PATL2: variants seen among roughly 807,000 people sequenced by gnomAD.
PATL2 encodes the protein PAT1 homolog 2.
PATL2 carries 73 observed loss-of-function variants against 77.0 expected under a neutral mutation model. That is an observed-to-expected ratio of 0.95 (90% CI 0.78 to 1.15). The LOEUF (loss-of-function observed/expected upper bound fraction) is 1.15. PATL2 is among the 50% of genes most tolerant of loss of function. The pLI, the probability that PATL2 is intolerant of heterozygous loss-of-function variation, is 0.00. For synonymous variants in PATL2, 265 were observed against 257.1 expected, an observed-to-expected ratio of 1.03 and a Z score of -0.29; for missense variants, 618 against 655.4, an observed-to-expected ratio of 0.94 and a Z score of 0.62.
In PATL2 at chr15:44,675,594, T is replaced by TTCCTCC. The variant is rs1406098955; in HGVS notation, c.108_113dup (p.Glu40_Glu41dup). Reference sequence around the variant, plus strand: ...CCAGATCCTCCTCGTCCTCCTCCTCTTCCTCCTCCTCCCCTTCATTCTCTT... The same window carrying TTCCTCC: ...CCAGATCCTCCTCGTCCTCCTCCTCTTCCTCCTCCTCCTCCTCCCCTTCATTCTCTT... On this transcript the variant is annotated inframe_insertion, in exon 5 of 18. Coordinates refer to ENST00000682850, the MANE Select transcript of PATL2 (RefSeq NM_001387263.1). 4 of 1,551,578 alleles carry TTCCTCC rather than the reference T, an allele frequency of 2.6e-6. No homozygotes were observed. The highest frequency in any genetic ancestry group is 2.4e-5 in the South Asian group (2 of 84,042).
At chr15:44,701,436 CTG>C (rs1427390058) in intron 3 of PATL2, among the ~76,000 whole-genome samples, 4 of 151,866 alleles carry the variant, frequency 2.6e-5, no homozygotes, top group Non-Finnish European at 5.9e-5. Flanking sequence ...TGGCTCATGC[CTG>C]TAATCCCAGC....
chr15:44,671,855 G>T (rs1469490719), intron 9 of PATL2, among the ~76,000 whole-genome samples, 160 bp downstream of exon 9: 2 of 152,136 alleles, frequency 1.3e-5, no homozygotes, highest in African/African-American at 2.4e-5. Flanking sequence ...ATGAGTTTGG[G>T]ATGTCAATTT....
chr15:44,676,932 G>T, intron 3 of PATL2: 1 of 1,009,200 alleles, frequency 9.9e-7, no homozygotes, highest in Non-Finnish European at 1.2e-6. Context: ...CCTGTTTGCC[G>T]CTCCTGGCTT....
chr15:44,667,273 T>C, intron 15 of PATL2, 70 bp from the exon 16 acceptor site: 1 of 1,107,810 alleles, frequency 9.0e-7, no homozygotes, highest in Non-Finnish European at 1.3e-6. Context: ...TTCCTGACTC[T>C]TATCTTCCCA....
intron 17 of PATL2, 27 bp downstream of exon 17, chr15:44,666,364 CT>C (rs1486335200): frequency 1.3e-6 from 2 of 1,551,118 alleles, no homozygotes; most frequent in East Asian, 4.9e-5. Flanking sequence ...GAACAAGGGG[CT>C]TTGACCTTGT....
At chr15:44,666,660 T>A (rs2141157608) in intron 16 of PATL2, 119 bp from the exon 17 acceptor site, 2 of 1,052,312 alleles carry the variant, frequency 1.9e-6, no homozygotes, top group Admixed American at 3.1e-5. Flanking sequence ...CAGGTAGCAA[T>A]TCAGAGGTAA....
At chr15:44,684,533 G>A (rs180969885) in intron 3 of PATL2, among the ~76,000 whole-genome samples, 4 of 151,302 alleles carry the variant, frequency 2.6e-5, no homozygotes, top group Non-Finnish European at 4.4e-5. Flanking sequence ...AAAGCAAGAC[G>A]ACAAGATTAG....
At position 44,707,843 on chromosome 15, in the gene PATL2, G is replaced by A. The variant is rs548458954; in HGVS notation, c.-76+2253C>T. Among the ~76,000 whole-genome samples the A allele has an allele frequency of 5.9e-4, 90 of 152,320 alleles. 1 individual carries two copies. Among genetic ancestry groups the A allele is most frequent in the African/African-American group, 2.0e-3 (82 of 41,580 alleles). Reference sequence around the variant, plus strand: ...CCTTGTGGCCTAGACTGCCTTTCAAGTTTATGTAGAACCTCAGAGCACTTC... The same window carrying A: ...CCTTGTGGCCTAGACTGCCTTTCAAATTTATGTAGAACCTCAGAGCACTTC... On this transcript the variant is annotated intron_variant, in intron 3 of 17. Transcript: ENST00000682850.
intron 3 of PATL2, among the ~76,000 whole-genome samples, chr15:44,702,359 TTA>T (rs1242718642): frequency 6.6e-6 from 1 of 152,102 alleles, no homozygotes; most frequent in Non-Finnish European, 1.5e-5. Context: ...CTGATTTTAT[TTA>T]TATGAGTCTT....
intron 3 of PATL2, among the ~76,000 whole-genome samples, chr15:44,689,060 C>A (rs1235768098): frequency 6.6e-6 from 1 of 152,132 alleles, no homozygotes; most frequent in Non-Finnish European, 1.5e-5. Flanking sequence ...AGGATATGAA[C>A]AAACACTTCT....
chr15:44,697,172 C>T (rs933037270), intron 3 of PATL2, among the ~76,000 whole-genome samples: 2 of 151,788 alleles, frequency 1.3e-5, no homozygotes, highest in Non-Finnish European at 2.9e-5. Context: ...CCTCCTCCTC[C>T]TTCTCCTCCT....
chr15:44,702,121 A>G (rs1266959296), intron 3 of PATL2, among the ~76,000 whole-genome samples: 4 of 152,154 alleles, frequency 2.6e-5, no homozygotes, highest in Admixed American at 2.6e-4. Flanking sequence ...TATGTTTAGT[A>G]ACATTTAGCA....
intron 3 of PATL2, among the ~76,000 whole-genome samples, chr15:44,696,598 A>T (rs1488964906): frequency 6.6e-6 from 1 of 152,156 alleles, no homozygotes; most frequent in African/African-American, 2.4e-5. Context: ...GGATACTTTA[A>T]TTCCCAACTT....
chr15:44,701,433 T>A (rs1431893285), intron 3 of PATL2, among the ~76,000 whole-genome samples: 1 of 151,910 alleles, frequency 6.6e-6, no homozygotes. Flanking sequence ...TGGTGGCTCA[T>A]GCCTGTAATC....
intron 17 of PATL2, 76 bp downstream of exon 17, chr15:44,666,316 G>T: frequency 6.7e-7 from 1 of 1,500,734 alleles, no homozygotes; most frequent in South Asian, 1.2e-5. Flanking sequence ...TTAGAAGAAG[G>T]AAGTAGTGAA....
At position 44,672,166 on chromosome 15, in the gene PATL2, A is replaced by T. The variant is rs1239924964; in HGVS notation, c.516-10T>A. 1.3e-6 allele frequency: 2 copies of T among 1,551,752 alleles called. No homozygotes were observed. Among genetic ancestry groups the T allele is most frequent in the Non-Finnish European group, 1.7e-6 (2 of 1,146,998 alleles). On this transcript the variant is annotated splice_polypyrimidine_tract_variant and intron_variant, in intron 8 of 17. Coordinates refer to ENST00000682850, the MANE Select transcript of PATL2 (RefSeq NM_001387263.1). The stretch of plus-strand genomic sequence containing the variant: ...CTTCTTGGCTGGGGGACTTTAAGCC[A>T]GGAGGAACAACCCTTTAGACTTACC...
At chr15:44,667,885 G>A (rs2085462733) in intron 15 of PATL2, among the ~76,000 whole-genome samples, 1 of 152,192 alleles carries the variant, frequency 6.6e-6, no homozygotes, top group East Asian at 1.9e-4. Context: ...AGAGCTTGCA[G>A]TGAGCCAAGA....
At chr15:44,671,853 G>A (rs559854151) in intron 9 of PATL2, among the ~76,000 whole-genome samples, 162 bp downstream of exon 9, 1 of 152,224 alleles carries the variant, frequency 6.6e-6, no homozygotes, top group South Asian at 2.1e-4. Flanking sequence ...AAATGAGTTT[G>A]GGATGTCAAT....
chr15:44,674,603 T>C (rs753668506), intron 5 of PATL2, among the ~76,000 whole-genome samples: 1 of 152,182 alleles, frequency 6.6e-6, no homozygotes, highest in East Asian at 1.9e-4. Flanking sequence ...GGTCTTGCTC[T>C]GTCACCCAGG....
Sources: gnomAD v4.1 joint callset for allele counts (sites outside exome capture counted in the v4.1 genomes callset) on GRCh38, gnomAD v4.1.1 for gene constraint, MANE v1.5 for transcripts, NCBI Gene and HGNC (gene_info 2026-07-23, HGNC 2026-07-21) for gene names.